The following APEX2 variants were observed in gnomAD, a reference collection of about 807,000 sequenced individuals.
APEX2 encodes apurinic/apyrimidinic endodeoxyribonuclease 2, also known as DNA-(apurinic or apyrimidinic site) endonuclease 2.
A neutral mutation model predicts 16.7 loss-of-function variants in APEX2; 4 were observed. The ratio of observed to expected loss-of-function variants is 0.24; its 90% CI spans 0.12 to 0.55. The LOEUF (loss-of-function observed/expected upper bound fraction) is 0.55. Ranked by LOEUF, APEX2 falls within the 20% of genes least tolerant of loss-of-function variation. The probability of loss-of-function intolerance (pLI) is 0.94; values close to 1 mark genes in which losing one functional copy is unlikely to be tolerated. For synonymous variants in APEX2, 181 were observed against 166.9 expected (o/e 1.08, Z -0.65); for missense variants, 357 against 433.6 (o/e 0.82, Z 1.57).
Position 55,006,689 on chromosome X carries a change from A to T in APEX2, c.811A>T (p.Asn271Tyr). ...WSAVTGARHL[N>Y]YGSRLDYVLG... ...AGCAGTCACTGGCGCCCGCCATCTC[A>T]ACTATGGCTCCCGGCTTGACTATGT... Residue 271 changes from asparagine (N) to tyrosine (Y), a missense_variant, in exon 6 of 6, where the codon AAC (asparagine) becomes TAC (tyrosine). Asn to Tyr is a moderately radical substitution (Grantham distance 143, BLOSUM62 -2). Coordinates refer to ENST00000374987, the MANE Select transcript of APEX2 (RefSeq NM_014481.4). 8.6e-7 allele frequency: 1 copy of T among 1,168,955 alleles called. No homozygotes were observed. The highest frequency in any genetic ancestry group is 3.0e-5 in the East Asian group (1 of 33,197).
chrX:55,003,613 TG>T lies in APEX2; in HGVS notation c.570-183del, dbSNP rs763679637. On this transcript the variant is annotated intron_variant, in intron 4 of 5. Coordinates refer to ENST00000374987, the MANE Select transcript of APEX2 (RefSeq NM_014481.4). ...CACTGTCACCTTTGGAGATCAGAAT[TG>T]GGTTGGTCAGATATGAAAGGCAGCA... is the stretch of plus-strand genomic sequence containing the variant. Among the ~76,000 whole-genome samples, 339 of 111,692 alleles carry T rather than the reference TG, an allele frequency of 3.0e-3. 1 individual carries two copies. The highest frequency in any genetic ancestry group is 0.01 in the African/African-American group (314 of 30,714).
At chrX:55,002,941 G>A in intron 3 of APEX2, 21 bp from the exon 4 acceptor site, 1 of 1,202,880 alleles carries the variant, frequency 8.3e-7, no homozygotes, top group Non-Finnish European at 1.1e-6. Flanking sequence ...GACCCCTTTT[G>A]GGGGTTTCTC....
Position 55,006,374 on chromosome X carries a change from G to A in APEX2, c.640-144G>A, listed in dbSNP as rs772853512. ...TCAGAATCCCAGCTCTGCCAATTCC[G>A]GACTGTGTGACCTTGAGCAGTAGTC... is the stretch of plus-strand genomic sequence containing the variant. On this transcript the variant is annotated intron_variant, in intron 5 of 5. Transcript: ENST00000374987. The A allele has an allele frequency of 3.0e-5, 11 of 365,380 alleles. No individual in the cohort carries two copies. The South Asian group carries it at 4.8e-4, about 16-fold the overall frequency. The allele number at this position is 365,380 out of a possible 1,213,427, so 30.1% of individuals were successfully genotyped here.
chrX:55,002,878 C>G, intron 3 of APEX2, 84 bp from the exon 4 acceptor site: 2 of 1,070,400 alleles, frequency 1.9e-6, no homozygotes, highest in Non-Finnish European at 2.5e-6. Flanking sequence ...CAGACAGTCA[C>G]AAAATGGAAG....
In APEX2 at chrX:55,001,549, A is replaced by G; in HGVS notation, c.161A>G (p.Asp54Gly). Residue 54 changes from aspartate (D) to glycine (G), a missense_variant, in exon 2 of 6, where the codon GAT (aspartate) becomes GGT (glycine). Physicochemically the swap from Asp to Gly is moderately conservative, Grantham distance 94. Coordinates refer to ENST00000374987, the MANE Select transcript of APEX2 (RefSeq NM_014481.4). ...ATCTTACATTTTTTTTTTCCAGGGG[A>G]TGCACTGACAGAGCCCCTGGCTATC... ...VCLQETKVTRDALTEPLAIVE... is the reference protein window; with the variant it reads ...VCLQETKVTRGALTEPLAIVE... The G allele has an allele frequency of 1.7e-6, 2 of 1,196,288 alleles. No individual in the cohort carries two copies. The highest frequency in any genetic ancestry group is 2.3e-6 in the Non-Finnish European group (2 of 887,489).
In APEX2 at chrX:55,006,940, G is replaced by A. The variant is rs749239366; in HGVS notation, c.1062G>A (p.Gln354=). Residue 354 remains glutamine, a synonymous_variant, in exon 6 of 6, where the codon CAG becomes CAA. Coordinates refer to ENST00000374987, the MANE Select transcript of APEX2 (RefSeq NM_014481.4). ...VPLEQSPVLE[Q]STLQHNNQTR... is the part of the protein sequence containing the mutation. ...TCGAACAAAGTCCTGTGTTGGAGCA[G>A]TCGACGCTGCAGCACAACAATCAAA... The A allele has an allele frequency of 8.3e-6, 10 of 1,211,904 alleles. No individual in the cohort carries two copies. The Admixed American group carries it at 2.0e-4, about 24-fold the overall frequency.
In APEX2 at chrX:55,007,189, G is replaced by A; in HGVS notation, c.1311G>A (p.Lys437=). Residue 437 remains lysine (K), a synonymous_variant, in exon 6 of 6, where the codon AAG becomes AAA. Coordinates refer to ENST00000374987, the MANE Select transcript of APEX2 (RefSeq NM_014481.4). ...AGAAGGCAGTGGCCAAAGTGGTGAA[G>A]GGGCAGGCCAAGACTTCAGAAGCCA... The part of the protein sequence containing the change: ...PEEKAVAKVV[K]GQAKTSEAKD... 1 of 1,212,149 alleles carries A rather than the reference G, an allele frequency of 8.2e-7. No individual in the cohort carries two copies. The highest frequency in any genetic ancestry group is 1.1e-6 in the Non-Finnish European group (1 of 895,617).
rs774771402 is a variant in APEX2, at chrX:55,009,051, C to T, written c.*1616C>T. 8.1e-5 allele frequency: 72 copies of T among 884,403 alleles called. No homozygotes were observed. The African/African-American group carries it at 1.2e-3, about 15-fold the overall frequency. 72.9% of individuals were successfully genotyped at this position (884,403 alleles called of 1,213,427 possible). ...CTGTTCCCTGTCCAATAAAAGGCTT[C>T]ACATGCTGTGGTTTGTGCTTTATTT... On this transcript the variant is annotated 3_prime_UTR_variant, in exon 6 of 6. Coordinates refer to ENST00000374987, the MANE Select transcript of APEX2 (RefSeq NM_014481.4).
intron 1 of APEX2, among the ~76,000 whole-genome samples, chrX:55,001,307 A>C (rs1935438886): frequency 9.3e-6 from 1 of 107,111 alleles, no homozygotes; most frequent in African/African-American, 3.4e-5. Flanking sequence ...CTAATTCTCC[A>C]CCTCCACTTC....
Position 55,003,189 on chromosome X carries a change from A to G in APEX2, c.569+81A>G, listed in dbSNP as rs570527998. On this transcript the variant is annotated intron_variant, in intron 4 of 5. Coordinates refer to ENST00000374987, the MANE Select transcript of APEX2 (RefSeq NM_014481.4). ...TGTGTCAAGCTCCATTGAAAGGGATATGGACCCTTTGTCTCTGAGTTCTTT... is the reference window on the plus strand; with the variant it reads ...TGTGTCAAGCTCCATTGAAAGGGATGTGGACCCTTTGTCTCTGAGTTCTTT... 1.1e-4 allele frequency: 116 copies of G among 1,083,011 alleles called. 1 individual carries two copies. In the African/African-American group the frequency reaches 1.7e-3, roughly 16 times the overall value. The allele number at this position is 1,083,011 out of a possible 1,213,427, so 89.3% of individuals were successfully genotyped here.
At position 55,007,335 on chromosome X, in the gene APEX2, C is replaced by T. The variant is rs769417244; in HGVS notation, c.1457C>T (p.Pro486Leu). ...CVMRTVKKPG[P>L]NLGRRFYMCA... ...ATGCGTACTGTGAAGAAGCCAGGAC[C>T]CAACTTGGGCCGCCGCTTCTACATG... The change falls in exon 6 of 6, where the codon CCC (proline) becomes CTC (leucine). Residue 486 changes from proline (P) to leucine (L), a missense_variant. Transcript: ENST00000374987. 3 of 1,207,006 alleles carry T rather than the reference C, an allele frequency of 2.5e-6. No individual in the cohort carries two copies. The highest frequency in any genetic ancestry group is 2.2e-6 in the Non-Finnish European group (2 of 892,336).
intron 5 of APEX2, among the ~76,000 whole-genome samples, 195 bp downstream of exon 5, chrX:55,004,063 G>C (rs1935477176): frequency 8.9e-6 from 1 of 112,735 alleles, no homozygotes; most frequent in South Asian, 3.6e-4. Context: ...GCCTGGCCCT[G>C]AGCCACATAC....
chrX:55,007,561 C>A lies in APEX2; in HGVS notation c.*126C>A. 1 of 780,581 alleles carries A rather than the reference C, an allele frequency of 1.3e-6. No homozygotes were observed. Among genetic ancestry groups the A allele is most frequent in the Non-Finnish European group, 1.8e-6 (1 of 567,241 alleles). 64.3% of individuals were successfully genotyped at this position (780,581 alleles called of 1,213,427 possible). ...CCTACCCTTCTCTTCCTCTTTTAAG[C>A]CCTCTCTTCCTCGCTTTCCTTCCTA... On this transcript the variant is annotated 3_prime_UTR_variant, in exon 6 of 6. Transcript: ENST00000374987.
intron 4 of APEX2, 140 bp from the exon 5 acceptor site, chrX:55,003,659 G>A (rs1935472772): frequency 2.0e-6 from 1 of 491,923 alleles, no homozygotes; most frequent in Admixed American, 3.3e-5. Context: ...TAAGATTGGA[G>A]AGGTAGGCTG....
intron 2 of APEX2, 92 bp downstream of exon 2, chrX:55,001,721 C>G: frequency 1.4e-6 from 1 of 703,673 alleles, no homozygotes; most frequent in Non-Finnish European, 2.1e-6. Flanking sequence ...AATAAGAAAT[C>G]TTAGACATTT....
chrX:55,002,221 G>A (rs370785939), intron 2 of APEX2, 30 bp from the exon 3 acceptor site: 64 of 1,155,968 alleles, frequency 5.5e-5, no homozygotes, highest in Middle Eastern at 2.7e-4. Context: ...TGACTGCCAG[G>A]TCTGCTCAGA....
In APEX2 at chrX:55,008,726, A is replaced by C; in HGVS notation, c.*1291A>C. ...TTGGGGAACCACTCCTTTCTAGGGAATTTGGTTAGGGCTGACTCATTTCCT... is the reference window on the plus strand; with the variant it reads ...TTGGGGAACCACTCCTTTCTAGGGACTTTGGTTAGGGCTGACTCATTTCCT... On this transcript the variant is annotated 3_prime_UTR_variant, in exon 6 of 6. Transcript: ENST00000374987. 1 of 122,828 alleles carries C rather than the reference A, an allele frequency of 8.1e-6. No individual in the cohort carries two copies. The highest frequency in any genetic ancestry group is 1.7e-5 in the Non-Finnish European group (1 of 59,737). The allele number at this position is 122,828 out of a possible 1,213,427, so 10.1% of individuals were successfully genotyped here. A position where few individuals can be genotyped will look rare whatever the true frequency, so the allele number is the denominator to read the frequency against.
rs1257983192 is a variant in APEX2, at chrX:55,000,434, G to A, written c.12G>A (p.Val4=). The A allele has an allele frequency of 6.4e-5, 76 of 1,192,209 alleles. No individual in the cohort carries two copies. The highest frequency in any genetic ancestry group is 8.6e-5 in the Non-Finnish European group (76 of 885,305). Residue 4 remains valine, a synonymous_variant, in exon 1 of 6, where the codon GTG becomes GTA. Transcript: ENST00000374987. The stretch of plus-strand genomic sequence containing the variant: ...TCCAGCCCTTTAAGATGTTGCGCGT[G>A]GTGAGCTGGAACATCAATGGGATTC... The part of the protein sequence containing the change: MLR[V]VSWNINGIRR...
Position 55,008,401 on chromosome X carries a change from T to A in APEX2, c.*966T>A, listed in dbSNP as rs1297508863. 1 of 110,725 alleles carries A rather than the reference T, an allele frequency of 9.0e-6. No homozygotes were observed. The highest frequency in any genetic ancestry group is 1.9e-5 in the Non-Finnish European group (1 of 52,896). The allele number at this position is 110,725 out of a possible 1,213,427, so 9.1% of individuals were successfully genotyped here. A position where few individuals can be genotyped will look rare whatever the true frequency, so the allele number is the denominator to read the frequency against. The stretch of plus-strand genomic sequence containing the variant: ...ACCAGCCTAACATGGTGAGACCCCG[T>A]CTCTACTAAATACAAAAAAATTAAC... On this transcript the variant is annotated 3_prime_UTR_variant, in exon 6 of 6. Coordinates refer to ENST00000374987, the MANE Select transcript of APEX2 (RefSeq NM_014481.4).
Sources: allele counts gnomAD v4.1 joint callset (sites outside exome capture counted in the v4.1 genomes callset), GRCh38; gene constraint gnomAD v4.1.1; transcripts MANE v1.5; gene names NCBI Gene and HGNC (gene_info 2026-07-23, HGNC 2026-07-21).